RAB7A: variants seen among roughly 807,000 people sequenced by gnomAD.
The protein encoded by RAB7A is RAB7A, member RAS oncogene family.
In RAB7A, 2 loss-of-function variants were observed where a neutral mutation model predicts 24.5. The observed-to-expected ratio is 0.08, with a 90% CI of 0.03 to 0.26. RAB7A has a LOEUF of 0.26. Among genes scored for constraint, RAB7A ranks in the 10% least tolerant of loss-of-function variants. RAB7A has a pLI of 1.00. For missense variants in RAB7A, 118 were observed against 255.7 expected, an observed-to-expected ratio of 0.46 and a Z score of 3.67; for synonymous variants, 100 against 95.9, an observed-to-expected ratio of 1.04 and a Z score of -0.25.
intron 1 of RAB7A, among the ~76,000 whole-genome samples, chr3:128,756,844 C>CTT (rs577316612): frequency 0.011 from 1,527 of 139,474 alleles, 30 homozygotes; most frequent in African/African-American, 0.036. Context: ...TATTCGCTAT[C>CTT]TTTTTTTTTT....
chr3:128,747,348 A>T (rs1307739093), intron 1 of RAB7A, among the ~76,000 whole-genome samples: 1 of 151,554 alleles, frequency 6.6e-6, no homozygotes, highest in East Asian at 1.9e-4. Flanking sequence ...GCACTTTGGG[A>T]GGCCGAGGTG....
chr3:128,772,972 TCCCAAAGTGCCGAGATTGCAG>T (rs1266977018), intron 1 of RAB7A, among the ~76,000 whole-genome samples: 2 of 152,166 alleles, frequency 1.3e-5, no homozygotes, highest in Non-Finnish European at 2.9e-5. Context: ...TGCCTTGGCC[TCCCAAAGTGCCGAGATTGCAG>T]CCTCTGCCCG....
At chr3:128,777,217 G>A (rs942479191) in intron 1 of RAB7A, among the ~76,000 whole-genome samples, 2 of 151,808 alleles carry the variant, frequency 1.3e-5, no homozygotes. Context: ...TTTGAGACAG[G>A]GTCTCACTCT....
At chr3:128,785,626 C>T (rs1933320959) in intron 1 of RAB7A, among the ~76,000 whole-genome samples, 1 of 151,652 alleles carries the variant, frequency 6.6e-6, no homozygotes, top group Non-Finnish European at 1.5e-5. Context: ...GTGGCTCGCA[C>T]CTGCAGTCCT....
At chr3:128,726,550 GGTCGTCGGGCGTGACCTCTGGCCGGGTT>G (rs2070380579) in intron 1 of RAB7A, among the ~76,000 whole-genome samples, 191 bp downstream of exon 1, 1 of 152,184 alleles carries the variant, frequency 6.6e-6, no homozygotes, top group Admixed American at 6.5e-5. Flanking sequence ...AGAGGTCGGA[GGTCGTCGGGCGTGACCTCTGGCCGGGTT>G]GCCCGCCCCG....
chr3:128,768,142 G>T (rs1304758092), intron 1 of RAB7A, among the ~76,000 whole-genome samples: 1 of 151,984 alleles, frequency 6.6e-6, no homozygotes, highest in Non-Finnish European at 1.5e-5. Flanking sequence ...GCATTTTCTG[G>T]TATTTTGTAT....
intron 1 of RAB7A, among the ~76,000 whole-genome samples, chr3:128,750,692 A>T (rs1020125504): frequency 6.6e-6 from 1 of 152,232 alleles, no homozygotes; most frequent in Non-Finnish European, 1.5e-5. Flanking sequence ...AATAGAAAGT[A>T]AAAACTTATT....
At chr3:128,748,422 C>T (rs559639960) in intron 1 of RAB7A, 2 of 152,264 alleles carry the variant, frequency 1.3e-5, no homozygotes, top group African/African-American at 2.4e-5. Context: ...AGCTTAGACT[C>T]CTCCTCTTTG....
intron 1 of RAB7A, among the ~76,000 whole-genome samples, chr3:128,762,749 GCTT>G (rs1003709384): frequency 2.0e-5 from 3 of 152,124 alleles, no homozygotes; most frequent in African/African-American, 7.2e-5. Context: ...TCCAGTGAGA[GCTT>G]CTGCCTCAAC....
At chr3:128,755,027 T>C (rs141709736) in intron 1 of RAB7A, among the ~76,000 whole-genome samples, 1,825 of 152,252 alleles carry the variant, frequency 0.012, 33 homozygotes, top group African/African-American at 0.039. Context: ...CTTACAGACA[T>C]ACACGGGGCA....
intron 3 of RAB7A, chr3:128,798,820 T>TAAAA (rs150137763): frequency 3.3e-4 from 55 of 167,894 alleles, no homozygotes; most frequent in African/African-American, 1.5e-3. Flanking sequence ...GTCTCTAAAT[T>TAAAA]TAAAAAAAAA....
chr3:128,769,075 G>A (rs1252520175), intron 1 of RAB7A, among the ~76,000 whole-genome samples: 2 of 120,240 alleles, frequency 1.7e-5, no homozygotes, highest in Non-Finnish European at 3.3e-5. Context: ...GTAATTTTTT[G>A]TAGAGACAGG....
intron 1 of RAB7A, among the ~76,000 whole-genome samples, chr3:128,789,436 A>G (rs1261287062): frequency 6.6e-6 from 1 of 151,074 alleles, no homozygotes; most frequent in East Asian, 1.9e-4. Flanking sequence ...CCTGGGTTCA[A>G]GTGATTCTCC....
rs1027700837 is a variant in RAB7A, at chr3:128,785,747, A to C, written c.-8-9613A>C. Reference sequence around the variant, plus strand: ...CTGGGCGACAGAGCAAGACTGTCTCAAAAAAAAAAAAAAAAAAAATTCTTT... The same window carrying C: ...CTGGGCGACAGAGCAAGACTGTCTCCAAAAAAAAAAAAAAAAAAATTCTTT... On this transcript the variant is annotated intron_variant, in intron 1 of 5. Transcript: ENST00000265062. Among the ~76,000 whole-genome samples, 11 of 79,876 alleles carry C rather than the reference A, an allele frequency of 1.4e-4. No homozygotes were observed. The East Asian group carries it at 3.8e-3, about 28-fold the overall frequency. 52.4% of individuals were successfully genotyped at this position (79,876 alleles called of 152,430 possible). A position where few individuals can be genotyped will look rare whatever the true frequency, so the allele number is the denominator to read the frequency against.
intron 1 of RAB7A, among the ~76,000 whole-genome samples, chr3:128,754,642 A>G (rs1245215440): frequency 6.6e-6 from 1 of 152,194 alleles, no homozygotes; most frequent in African/African-American, 2.4e-5. Flanking sequence ...AAAAACATCC[A>G]GCTTCTAGCC....
At chr3:128,772,239 C>G (rs2107601263) in intron 1 of RAB7A, among the ~76,000 whole-genome samples, 1 of 152,310 alleles carries the variant, frequency 6.6e-6, no homozygotes, top group East Asian at 1.9e-4. Context: ...TCCCTCAGTT[C>G]TACACAACTT....
At chr3:128,732,781 C>T (rs940064812) in intron 1 of RAB7A, among the ~76,000 whole-genome samples, 3 of 151,940 alleles carry the variant, frequency 2.0e-5, no homozygotes, top group Admixed American at 6.6e-5. Context: ...GGTTTGTGTT[C>T]GTGGCACTGC....
At chr3:128,728,473 A>G (rs1576262966) in intron 1 of RAB7A, among the ~76,000 whole-genome samples, 1 of 152,020 alleles carries the variant, frequency 6.6e-6, no homozygotes, top group Non-Finnish European at 1.5e-5. Flanking sequence ...TATTTTATTT[A>G]TATTTTGAGA....
chr3:128,739,478 A>G (rs1204662360), intron 1 of RAB7A, among the ~76,000 whole-genome samples: 2 of 151,182 alleles, frequency 1.3e-5, no homozygotes, highest in African/African-American at 4.9e-5. Flanking sequence ...GCGCCACTGC[A>G]CTCCAGCCTT....
Sources: allele counts gnomAD v4.1 joint callset (sites outside exome capture counted in the v4.1 genomes callset), GRCh38; gene constraint gnomAD v4.1.1; transcripts MANE v1.5; gene names NCBI Gene and HGNC (gene_info 2026-07-23, HGNC 2026-07-21).